Variants in ACR observed in about 807,000 individuals in gnomAD.
ACR encodes acrosin.
A neutral mutation model predicts 26.0 loss-of-function variants in ACR; 17 were observed. That is an observed-to-expected ratio of 0.65 (90% CI 0.45 to 0.98). ACR has a LOEUF of 0.98. Ranked by LOEUF, ACR falls within the 50% of genes least tolerant of loss-of-function variation. ACR has a pLI of 0.00. For missense variants in ACR, 435 were observed against 519.3 expected (o/e 0.84, Z 1.58); for synonymous variants, 199 against 207.7 (o/e 0.96, Z 0.36).
At chr22:50,743,277 C>T (rs1014514796) in intron 3 of ACR, among the ~76,000 whole-genome samples, 14 of 152,090 alleles carry the variant, frequency 9.2e-5, no homozygotes, top group Non-Finnish European at 1.3e-4. Flanking sequence ...CCTCGTGATC[C>T]GCCCGCCTCG....
Position 50,744,893 on chromosome 22 carries a change from C to T in ACR, c.952C>T (p.His318Tyr), listed in dbSNP as rs143366653. Residue 318 changes from histidine (H) to tyrosine (Y), a missense_variant, in exon 5 of 5, where the codon CAC becomes TAC. His to Tyr is a moderately conservative substitution (Grantham distance 83). This residue lies in a region of ACR where 29 missense variants were observed against 59.4 expected (regional missense o/e 0.49). Transcript: ENST00000216139. ...GCCCCCGATTCGACCCCCCTTCTCC[C>T]ACCCTATCTCTGCTCACCTTCCTTG... ...RPPPIRPPFS[H>Y]PISAHLPWYF... 3 of 1,595,466 alleles carry T rather than the reference C, an allele frequency of 1.9e-6. No homozygotes were observed. Among genetic ancestry groups the T allele is most frequent in the Non-Finnish European group, 2.6e-6 (3 of 1,173,558 alleles).
At position 50,738,347 on chromosome 22, in the gene ACR, T is replaced by C. The variant is rs200079264; in HGVS notation, c.77+35T>C. 4.4e-5 allele frequency: 71 copies of C among 1,604,740 alleles called. 1 individual carries two copies. The African/African-American group carries it at 8.0e-4, about 18-fold the overall frequency. On this transcript the variant is annotated intron_variant, in intron 1 of 4. Transcript: ENST00000216139. ...GGGGCACCTTGGTGGGGGAAGGATC[T>C]TCTGAGGAGCAGGTACCACCCCGAC...
rs1205379031 is a variant in ACR at position 50,745,335 on chromosome 22, A to G, written c.*128A>G. The G allele has an allele frequency of 3.6e-6, 3 of 830,644 alleles. No individual in the cohort carries two copies. The East Asian group carries it at 9.8e-5, about 27-fold the overall frequency. The allele number at this position is 830,644 out of a possible 1,614,324, so 51.5% of individuals were successfully genotyped here. On this transcript the variant is annotated 3_prime_UTR_variant, in exon 5 of 5. Transcript: ENST00000216139. Reference sequence around the variant, plus strand: ...TATCTGTATGTATACATGCATATACATCAAGAGATGCTTTCTGGACTTCTT... The same window carrying G: ...TATCTGTATGTATACATGCATATACGTCAAGAGATGCTTTCTGGACTTCTT...
In ACR at chr22:50,740,005, G is replaced by C. The variant is rs764583729; in HGVS notation, c.565+28G>C. 3.7e-6 allele frequency: 6 copies of C among 1,612,074 alleles called. No individual in the cohort carries two copies. In the East Asian group the frequency reaches 6.7e-5, roughly 18 times the overall value. ...GAGTATGGGAGCGCCTCCAAGGGGG[G>C]ACGCTGCTGGCCATTCTCCTGGTGG... On this transcript the variant is annotated intron_variant, in intron 3 of 4. Coordinates refer to ENST00000216139, the MANE Select transcript of ACR (RefSeq NM_001097.3).
chr22:50,739,933 C>A lies in ACR; in HGVS notation c.521C>A (p.Ser174Tyr). 1 of 1,613,892 alleles carries A rather than the reference C, an allele frequency of 6.2e-7. No individual in the cohort carries two copies. The highest frequency in any genetic ancestry group is 8.5e-7 in the Non-Finnish European group (1 of 1,180,012). Residue 174 changes from serine (S) to tyrosine (Y), a missense_variant, in exon 3 of 5, where the codon TCC (serine) becomes TAC (tyrosine). This residue lies in a region of ACR where 314 missense variants were observed against 372.0 expected (regional missense o/e 0.84). Transcript: ENST00000216139. The surrounding 1 kb of genome is among the most constrained non-coding windows in gnomAD (Gnocchi z 5.5). ...PHFKAGLPRG[S>Y]QSCWVAGWGY... ...TTTAAGGCAGGCCTCCCCAGAGGCTCCCAGAGCTGCTGGGTGGCCGGCTGG... is the reference window on the plus strand; with the variant it reads ...TTTAAGGCAGGCCTCCCCAGAGGCTACCAGAGCTGCTGGGTGGCCGGCTGG...
rs554850342 is a variant in ACR at position 50,739,539 on chromosome 22, G to C, written c.281+65G>C. 4 of 1,597,918 alleles carry C rather than the reference G, an allele frequency of 2.5e-6. No homozygotes were observed. In the African/African-American group the frequency reaches 4.0e-5, roughly 16 times the overall value. ...CTCTTCTCAGAGAGGGGCGTTCCCC[G>C]GGGATGCTGTGCAGCGTCTCCCTGG... On this transcript the variant is annotated intron_variant, in intron 2 of 4. Transcript: ENST00000216139. This position sits in a 1 kb window ranked among gnomAD's most constrained non-coding sequence, Gnocchi z 5.5.
In ACR at chr22:50,745,025, C is replaced by G; in HGVS notation, c.1084C>G (p.Pro362Ala). 1 of 489,852 alleles carries G rather than the reference C, an allele frequency of 2.0e-6. No homozygotes were observed. Among genetic ancestry groups the G allele is most frequent in the Middle Eastern group, 5.7e-4 (1 of 1,768 alleles). 30.3% of individuals were successfully genotyped at this position (489,852 alleles called of 1,614,324 possible). A position where few individuals can be genotyped will look rare whatever the true frequency, so the allele number is the denominator to read the frequency against. Residue 362 changes from proline (P) to alanine (A), a missense_variant, in exon 5 of 5, where the codon CCC becomes GCC. Transcript: ENST00000216139. ...PPPPPPASPLPPPPPPPPPTP... is the reference protein window; with the variant it reads ...PPPPPPASPLAPPPPPPPPTP... ...ACCCCCACCTCCAGCCTCACCTTTA[C>G]CCCCACCCCCACCCCCACCCCCACC...
At chr22:50,740,301 C>G (rs1171127474) in intron 3 of ACR, 1 of 566,842 alleles carries the variant, frequency 1.8e-6, no homozygotes, top group Non-Finnish European at 3.2e-6. Flanking sequence ...CTGAAACAGC[C>G]TTTGGAGAAG....
chr22:50,742,475 C>T (rs1348946084), intron 3 of ACR, among the ~76,000 whole-genome samples: 9 of 147,740 alleles, frequency 6.1e-5, no homozygotes, highest in Non-Finnish European at 8.9e-5. Context: ...ACCCAGGAGG[C>T]GGAGCTTGCA....
chr22:50,738,427 C>A (rs980757250), intron 1 of ACR, 115 bp downstream of exon 1: 11 of 1,082,640 alleles, frequency 1.0e-5, no homozygotes, highest in South Asian at 1.4e-5. Flanking sequence ...TGGACCCCCC[C>A]TGCTCCCAGA....
At position 50,739,722 on chromosome 22, in the gene ACR, G is replaced by A. The variant is rs149456732; in HGVS notation, c.310G>A (p.Gly104Arg). ...TGTGCATGACTGGAGACTGGTTTTC[G>A]GAGCAAAGGAAATTACATATGGGAA... ...NNVHDWRLVFGAKEITYGNNK... is the reference protein window; with the variant it reads ...NNVHDWRLVFRAKEITYGNNK... The change falls in exon 3 of 5, where the codon GGA becomes AGA. Residue 104 changes from glycine (G) to arginine (R), a missense_variant. By Grantham distance (125) the Gly-to-Arg change is moderately radical. Around this residue, in one of 3 missense-constraint regions of ACR, gnomAD observed 314 missense variants for 372.0 expected, o/e 0.84. Transcript: ENST00000216139. This position sits in a 1 kb window ranked among gnomAD's most constrained non-coding sequence, Gnocchi z 5.5. 2.5e-5 allele frequency: 38 copies of A among 1,542,560 alleles called. No homozygotes were observed. In the East Asian group the frequency reaches 2.7e-4, roughly 11 times the overall value.
chr22:50,745,029 C>T lies in ACR; in HGVS notation c.1088C>T (p.Pro363Leu), dbSNP rs2083444293. The change falls in exon 5 of 5, where the codon CCA becomes CTA. Residue 363 changes from proline to leucine, a missense_variant. Physicochemically the swap from Pro to Leu is moderately conservative, Grantham distance 98. This residue lies in a region of ACR where 92 missense variants were observed against 87.8 expected (regional missense o/e 1.05). Coordinates refer to ENST00000216139, the MANE Select transcript of ACR (RefSeq NM_001097.3). ...PPPPPASPLP[P>L]PPPPPPPTPS... is the part of the protein sequence containing the mutation. The stretch of plus-strand genomic sequence containing the variant: ...CCACCTCCAGCCTCACCTTTACCCC[C>T]ACCCCCACCCCCACCCCCACCTACA... 4.1e-6 allele frequency: 2 copies of T among 487,730 alleles called. No individual in the cohort carries two copies. The highest frequency in any genetic ancestry group is 6.7e-6 in the Non-Finnish European group (2 of 300,542). 30.2% of individuals were successfully genotyped at this position (487,730 alleles called of 1,614,324 possible). A position where few individuals can be genotyped will look rare whatever the true frequency, so the allele number is the denominator to read the frequency against.
At position 50,745,043 on chromosome 22, in the gene ACR, C is replaced by A. The variant is rs1445899395; in HGVS notation, c.1102C>A (p.Pro368Thr). The change falls in exon 5 of 5, where the codon CCC becomes ACC. Residue 368 changes from proline (P) to threonine (T), a missense_variant. Physicochemically the swap from Pro to Thr is conservative, Grantham distance 38. Coordinates refer to ENST00000216139, the MANE Select transcript of ACR (RefSeq NM_001097.3). ...ACCTTTACCCCCACCCCCACCCCCA[C>A]CCCCACCTACACCCTCATCTACCAC... The part of the protein sequence containing the change: ...ASPLPPPPPP[P>T]PPTPSSTTKL... 2 of 653,412 alleles carry A rather than the reference C, an allele frequency of 3.1e-6. No individual in the cohort carries two copies. Among genetic ancestry groups the A allele is most frequent in the Non-Finnish European group, 2.4e-6 (1 of 425,194 alleles). 40.5% of individuals were successfully genotyped at this position (653,412 alleles called of 1,614,324 possible).
Position 50,739,363 on chromosome 22 carries a change from T to A in ACR, c.170T>A (p.Met57Lys). 3.7e-6 allele frequency: 6 copies of A among 1,613,520 alleles called. No homozygotes were observed. Among genetic ancestry groups the A allele is most frequent in the Non-Finnish European group, 5.1e-6 (6 of 1,179,794 alleles). Residue 57 changes from methionine to lysine, a missense_variant, in exon 2 of 5, where the codon ATG becomes AAG. By Grantham distance (95) the Met-to-Lys change is moderately conservative (BLOSUM62 -1). Around this residue, in one of 3 missense-constraint regions of ACR, gnomAD observed 314 missense variants for 372.0 expected, o/e 0.84. Transcript: ENST00000216139. The surrounding 1 kb of genome is among the most constrained non-coding windows in gnomAD (Gnocchi z 5.5). ...GCACAGCATGGGGCCTGGCCCTGGA[T>A]GGTCAGCCTCCAGATCTTCACGTAC... ...KAAQHGAWPW[M>K]VSLQIFTYNS...
chr22:50,740,417 A>C, intron 3 of ACR: 1 of 603,582 alleles, frequency 1.7e-6, no homozygotes, highest in Non-Finnish European at 3.0e-6. Flanking sequence ...CTCCAAGCTG[A>C]CCATTTCCTA....
At position 50,739,993 on chromosome 22, in the gene ACR, C is replaced by T; in HGVS notation, c.565+16C>T. The T allele has an allele frequency of 1.2e-6, 2 of 1,612,892 alleles. No individual in the cohort carries two copies. The highest frequency in any genetic ancestry group is 1.1e-5 in the South Asian group (1 of 91,018). Reference sequence around the variant, plus strand: ...GAAGAGAAAGGTGAGTATGGGAGCGCCTCCAAGGGGGGACGCTGCTGGCCA... The same window carrying T: ...GAAGAGAAAGGTGAGTATGGGAGCGTCTCCAAGGGGGGACGCTGCTGGCCA... On this transcript the variant is annotated intron_variant, in intron 3 of 4. Coordinates refer to ENST00000216139, the MANE Select transcript of ACR (RefSeq NM_001097.3). This position sits in a 1 kb window ranked among gnomAD's most constrained non-coding sequence, Gnocchi z 5.5.
At chr22:50,740,940 A>G in intron 3 of ACR, 1 of 506,732 alleles carries the variant, frequency 2.0e-6, no homozygotes. Context: ...CCCAGAAGCA[A>G]CAGGTGACCC....
chr22:50,744,942 C>T lies in ACR; in HGVS notation c.1001C>T (p.Pro334Leu). 1 of 1,517,646 alleles carries T rather than the reference C, an allele frequency of 6.6e-7. No homozygotes were observed. Among genetic ancestry groups the T allele is most frequent in the Non-Finnish European group, 8.8e-7 (1 of 1,134,530 alleles). 94.0% of individuals were successfully genotyped at this position (1,517,646 alleles called of 1,614,324 possible). A position where few individuals can be genotyped will look rare whatever the true frequency, so the allele number is the denominator to read the frequency against. The change falls in exon 5 of 5, where the codon CCA becomes CTA. Residue 334 changes from proline (P) to leucine (L), a missense_variant. By Grantham distance (98) the Pro-to-Leu change is moderately conservative. Transcript: ENST00000216139. The part of the protein sequence containing the change: ...LPWYFQPPPR[P>L]LPPRPPAAQP... ...TGGTATTTCCAACCGCCCCCTCGAC[C>T]ACTTCCACCCCGACCACCGGCAGCC... is the stretch of plus-strand genomic sequence containing the variant.
chr22:50,739,484 G>T lies in ACR; in HGVS notation c.281+10G>T. 6.2e-7 allele frequency: 1 copy of T among 1,614,018 alleles called. No individual in the cohort carries two copies. Among genetic ancestry groups the T allele is most frequent in the Non-Finnish European group, 8.5e-7 (1 of 1,179,936 alleles). The stretch of plus-strand genomic sequence containing the variant: ...GCTTCGTCGGCAAAAAGTACGTGTA[G>T]GGATGCACTGAGGGAGGTCTTCAGA... On this transcript the variant is annotated intron_variant, in intron 2 of 4. Transcript: ENST00000216139. This position sits in a 1 kb window ranked among gnomAD's most constrained non-coding sequence, Gnocchi z 5.5.
Sources: gnomAD v4.1 joint callset for allele counts (sites outside exome capture counted in the v4.1 genomes callset) on GRCh38, gnomAD v4.1.1 for gene constraint, gnomAD v4.1.1 regional missense constraint, Gnocchi (gnomAD v3.1) non-coding constraint, MANE v1.5 for transcripts, NCBI Gene and HGNC (gene_info 2026-07-23, HGNC 2026-07-21) for gene names.